The following NPNT variants were observed in gnomAD, a reference collection of about 807,000 sequenced individuals.
NPNT encodes the protein preosteoblast EGF-like repeat protein with MAM domain.
Under a neutral mutation model 68.6 loss-of-function variants are expected in NPNT, and 45 were observed. That is an observed-to-expected ratio of 0.66 (90% confidence interval 0.52 to 0.84). The LOEUF (loss-of-function observed/expected upper bound fraction) is 0.84, where lower values mean the gene tolerates loss of function less well. NPNT is among the 40% of genes least tolerant of loss of function. The pLI is 0.00. For synonymous variants in NPNT, 233 were observed against 253.3 expected (o/e 0.92, Z 0.76); for missense variants, 672 against 714.8 (o/e 0.94, Z 0.68).
intron 2 of NPNT, among the ~76,000 whole-genome samples, chr4:105,908,486 T>A (rs1727094539): frequency 6.6e-6 from 1 of 152,246 alleles, no homozygotes; most frequent in East Asian, 1.9e-4. Flanking sequence ...TGTAGTAATA[T>A]ATACAAAAGG....
rs11730037 is a variant in NPNT, at chr4:105,924,351, A to G, written c.173-2985A>G. Among the ~76,000 whole-genome samples the G allele has an allele frequency of 9.6e-3, 1,468 of 152,334 alleles. 7 individuals are homozygous for G. Among genetic ancestry groups the G allele is most frequent in the South Asian group, 0.014 (67 of 4,830 alleles). ...CCATTCCAGAACTAATGCCAGCAAG[A>G]TAACTTTGTGCTATATAGGAGAATA... is the stretch of plus-strand genomic sequence containing the variant. On this transcript the variant is annotated intron_variant, in intron 2 of 11. Transcript: ENST00000379987.
At chr4:105,927,938 T>TA (rs1301637473) in intron 3 of NPNT, among the ~76,000 whole-genome samples, 2 of 152,192 alleles carry the variant, frequency 1.3e-5, no homozygotes, top group Non-Finnish European at 2.9e-5. Flanking sequence ...AAGCACTTTT[T>TA]AAAAAAATCA....
intron 8 of NPNT, among the ~76,000 whole-genome samples, chr4:105,948,194 T>C (rs950947499): frequency 6.6e-6 from 1 of 152,204 alleles, no homozygotes; most frequent in African/African-American, 2.4e-5. Flanking sequence ...AATATACTTC[T>C]AAATTTTAAG....
intron 3 of NPNT, among the ~76,000 whole-genome samples, chr4:105,930,089 C>T (rs1194037594): frequency 6.6e-6 from 1 of 152,180 alleles, no homozygotes; most frequent in East Asian, 1.9e-4. Context: ...AAAACTACAG[C>T]TTAAAATAAA....
intron 3 of NPNT, among the ~76,000 whole-genome samples, chr4:105,935,312 A>G (rs546950061): frequency 6.7e-4 from 102 of 152,310 alleles, no homozygotes; most frequent in African/African-American, 2.2e-3. Flanking sequence ...TTTAAATGCT[A>G]TTTGCTATAA....
At chr4:105,904,552 G>A (rs1362072522) in intron 2 of NPNT, among the ~76,000 whole-genome samples, 1 of 152,190 alleles carries the variant, frequency 6.6e-6, no homozygotes, top group East Asian at 1.9e-4. Flanking sequence ...CTAGGAGAAT[G>A]GAGTGAGATG....
At chr4:105,910,056 C>A (rs1279801064) in intron 2 of NPNT, among the ~76,000 whole-genome samples, 4 of 151,274 alleles carry the variant, frequency 2.6e-5, no homozygotes, top group African/African-American at 7.3e-5. Context: ...GATGGGCATA[C>A]CTTTGGATTA....
chr4:105,945,211 T>C (rs1730286449), intron 8 of NPNT, among the ~76,000 whole-genome samples: 1 of 152,222 alleles, frequency 6.6e-6, no homozygotes, highest in South Asian at 2.1e-4. Context: ...AGATTTCTTT[T>C]AATGGAAGAG....
chr4:105,903,490 T>A (rs576799819), intron 2 of NPNT, among the ~76,000 whole-genome samples: 11 of 152,352 alleles, frequency 7.2e-5, no homozygotes, highest in Admixed American at 3.9e-4. Context: ...CGCTTTCCCA[T>A]TGATTTTGTG....
intron 10 of NPNT, among the ~76,000 whole-genome samples, chr4:105,965,524 G>A (rs897201050): frequency 1.1e-4 from 16 of 152,268 alleles, no homozygotes; most frequent in South Asian, 1.0e-3. Context: ...TGCAGGTAGC[G>A]TCTGGCAGAA....
At chr4:105,959,844 C>A (rs1201804344) in intron 10 of NPNT, among the ~76,000 whole-genome samples, 1 of 137,908 alleles carries the variant, frequency 7.3e-6, no homozygotes, top group Non-Finnish European at 1.5e-5. Context: ...GAGTCTTGCT[C>A]TGTTGCCCAG....
chr4:105,906,405 C>T (rs898949311), intron 2 of NPNT, among the ~76,000 whole-genome samples: 8 of 152,120 alleles, frequency 5.3e-5, no homozygotes, highest in South Asian at 2.1e-4. Context: ...ATAGAAGATC[C>T]GTCAACATAA....
At chr4:105,916,908 A>T (rs1727864730) in intron 2 of NPNT, among the ~76,000 whole-genome samples, 1 of 152,202 alleles carries the variant, frequency 6.6e-6, no homozygotes, top group Non-Finnish European at 1.5e-5. Context: ...GATGGACAAG[A>T]TGTAATCTTA....
rs148494812 is a variant in NPNT at position 105,898,290 on chromosome 4, TTC to T, written c.172+309_172+310del. ...CTTCCTGTTTTCTTACCAGGTTTAT[TTC>T]TCTCTCTCTCTCTCTCTCTGTCTCT... On this transcript the variant is annotated intron_variant, in intron 2 of 11. Coordinates refer to ENST00000379987, the MANE Select transcript of NPNT (RefSeq NM_001033047.3). Among the ~76,000 whole-genome samples, 634 of 94,002 alleles carry T rather than the reference TTC, an allele frequency of 6.7e-3. 4 individuals are homozygous for T. Among genetic ancestry groups the T allele is most frequent in the Admixed American group, 0.028 (277 of 9,908 alleles). The allele number at this position is 94,002 out of a possible 152,430, so 61.7% of individuals were successfully genotyped here. A position where few individuals can be genotyped will look rare whatever the true frequency, so the allele number is the denominator to read the frequency against.
intron 2 of NPNT, among the ~76,000 whole-genome samples, chr4:105,922,566 T>G (rs1179288301): frequency 6.6e-6 from 1 of 151,736 alleles, no homozygotes; most frequent in African/African-American, 2.4e-5. Context: ...TTTGTAGAGA[T>G]AGGGTTTTAC....
intron 2 of NPNT, among the ~76,000 whole-genome samples, chr4:105,909,867 T>A (rs1436659315): frequency 6.6e-6 from 1 of 152,168 alleles, no homozygotes; most frequent in Admixed American, 6.5e-5. Context: ...TTTAACAAAG[T>A]GTGTGTGTCA....
rs1375469994 is a variant in NPNT at position 105,970,494 on chromosome 4, G to T, written c.*1504G>T. 7 of 693,110 alleles carry T rather than the reference G, an allele frequency of 1.0e-5. No homozygotes were observed. The highest frequency in any genetic ancestry group is 1.9e-5 in the Non-Finnish European group (7 of 378,242). The allele number at this position is 693,110 out of a possible 1,614,324, so 42.9% of individuals were successfully genotyped here. A position where few individuals can be genotyped will look rare whatever the true frequency, so the allele number is the denominator to read the frequency against. On this transcript the variant is annotated 3_prime_UTR_variant, in exon 12 of 12. Transcript: ENST00000379987. Reference sequence around the variant, plus strand: ...GAAGACTGAGGGGCAAACCATTGATGGTTTTCAAGTATATGAAGGGTTGGC... The same window carrying T: ...GAAGACTGAGGGGCAAACCATTGATTGTTTTCAAGTATATGAAGGGTTGGC...
chr4:105,965,587 C>T (rs1732057808), intron 10 of NPNT, among the ~76,000 whole-genome samples: 1 of 152,130 alleles, frequency 6.6e-6, no homozygotes, highest in South Asian at 2.1e-4. Context: ...TCGAAACTTG[C>T]AGGTTAACTG....
At chr4:105,931,668 C>CAAAAA (rs59960189) in intron 3 of NPNT, among the ~76,000 whole-genome samples, 1 of 99,942 alleles carries the variant, frequency 1.0e-5, no homozygotes, top group Non-Finnish European at 2.0e-5. Context: ...ACTAAAAATA[C>CAAAAA]AAAAAAAAAA....
Sources: gnomAD v4.1 joint callset for allele counts (sites outside exome capture counted in the v4.1 genomes callset) on GRCh38, gnomAD v4.1.1 for gene constraint, MANE v1.5 for transcripts, NCBI Gene and HGNC (gene_info 2026-07-23, HGNC 2026-07-21) for gene names.